Variants in ABCA13 observed in about 807,000 individuals in gnomAD.
The protein encoded by ABCA13 is ATP-binding cassette sub-family A member 13.
A neutral mutation model predicts 478.7 loss-of-function variants in ABCA13; 476 were observed. The ratio of observed to expected loss-of-function variants is 0.99; its 90% confidence interval spans 0.92 to 1.07. The LOEUF (loss-of-function observed/expected upper bound fraction) is 1.07, where lower values mean the gene tolerates loss of function less well. Ranked by LOEUF, ABCA13 falls within the 50% of genes least tolerant of loss-of-function variation. The probability of loss-of-function intolerance (pLI) is 0.00; values close to 1 mark genes in which losing one functional copy is unlikely to be tolerated. For missense variants in ABCA13, 6,060 were observed against 5,910.6 expected, an observed-to-expected ratio of 1.03 and a Z score of -0.83; for synonymous variants, 2,252 against 2,158.9, an observed-to-expected ratio of 1.04 and a Z score of -1.20.
intron 1 of ABCA13, among the ~76,000 whole-genome samples, chr7:48,189,114 A>G (rs1395578763): frequency 6.6e-6 from 1 of 152,206 alleles, no homozygotes; most frequent in Non-Finnish European, 1.5e-5. Context: ...CAGAAGTGCC[A>G]GTTTCTGCTT....
intron 45 of ABCA13, among the ~76,000 whole-genome samples, chr7:48,478,234 A>AT (rs1828358643): frequency 1.4e-5 from 2 of 147,944 alleles, no homozygotes; most frequent in African/African-American, 4.9e-5. Context: ...TTATATATAC[A>AT]TATATAATAT....
chr7:48,288,929 G>A (rs1023223302), intron 20 of ABCA13, among the ~76,000 whole-genome samples: 1 of 152,180 alleles, frequency 6.6e-6, no homozygotes, highest in Non-Finnish European at 1.5e-5. Flanking sequence ...GGACAATGGT[G>A]ATGTCCTTCC....
At chr7:48,226,005 A>G (rs1230492922) in intron 5 of ABCA13, among the ~76,000 whole-genome samples, 1 of 152,166 alleles carries the variant, frequency 6.6e-6, no homozygotes, top group Non-Finnish European at 1.5e-5. Context: ...GGCAATGGGG[A>G]CAAGAAAGAG....
At position 48,310,000 on chromosome 7, in the gene ABCA13, C is replaced by T. The variant is rs759576914; in HGVS notation, c.9375C>T (p.Ile3125=). 8 of 1,613,976 alleles carry T rather than the reference C, an allele frequency of 5.0e-6. No homozygotes were observed. The Admixed American group carries it at 1.3e-4, about 27-fold the overall frequency. The change falls in exon 24 of 62, where the codon ATC becomes ATT. Residue 3125 remains isoleucine (I), a synonymous_variant. Transcript: ENST00000435803. ...TGTCTGGAAAGTGTGATCAGGAAAT[C>T]CTTCATCTCCTGCTGACATTTCCCA... ...VALSGKCDQE[I]LHLLLTFPKG...
At chr7:48,523,524 G>T (rs1295173988) in intron 53 of ABCA13, among the ~76,000 whole-genome samples, 1 of 151,592 alleles carries the variant, frequency 6.6e-6, no homozygotes, top group East Asian at 1.9e-4. Flanking sequence ...ATTGATGTTG[G>T]TTATGATACT....
chr7:48,583,873 C>A (rs1020893506), intron 56 of ABCA13, among the ~76,000 whole-genome samples: 5 of 152,190 alleles, frequency 3.3e-5, no homozygotes, highest in Admixed American at 6.5e-5. Flanking sequence ...GACAACATGA[C>A]ATTCAGAAAA....
chr7:48,271,808 C>T lies in ABCA13; in HGVS notation c.2142C>T (p.His714=), dbSNP rs752174944. The change falls in exon 17 of 62, where the codon CAC becomes CAT. Residue 714 remains histidine, a synonymous_variant. Transcript: ENST00000435803. ...SISRALNFTK[H]LLMMEKKLHT... ...ACAGGGCTTTAAATTTCACAAAGCACCTTCTAATGATGGAAAAGAAGTTGC... is the reference window on the plus strand; with the variant it reads ...ACAGGGCTTTAAATTTCACAAAGCATCTTCTAATGATGGAAAAGAAGTTGC... 1.0e-5 allele frequency: 16 copies of T among 1,528,510 alleles called. No homozygotes were observed. In the South Asian group the frequency reaches 1.6e-4, roughly 15 times the overall value. 94.7% of individuals were successfully genotyped at this position (1,528,510 alleles called of 1,614,324 possible). A position where few individuals can be genotyped will look rare whatever the true frequency, so the allele number is the denominator to read the frequency against.
At chr7:48,198,408 C>A in intron 3 of ABCA13, 48 bp downstream of exon 3, 2 of 1,605,088 alleles carry the variant, frequency 1.2e-6, no homozygotes, top group Non-Finnish European at 1.7e-6. Context: ...AAAGCTGATA[C>A]ATAGAACAGG....
intron 58 of ABCA13, among the ~76,000 whole-genome samples, chr7:48,613,420 C>G (rs1301678756): frequency 6.6e-6 from 1 of 152,088 alleles, no homozygotes; most frequent in Non-Finnish European, 1.5e-5. Flanking sequence ...GAACTCCTGA[C>G]CTCAGGTGAT....
chr7:48,585,742 A>G (rs1292492617), intron 56 of ABCA13, among the ~76,000 whole-genome samples: 1 of 152,176 alleles, frequency 6.6e-6, no homozygotes, highest in Non-Finnish European at 1.5e-5. Context: ...CTCTTCTCCT[A>G]AATTTGAATT....
chr7:48,263,214 A>C (rs915734161), intron 15 of ABCA13, among the ~76,000 whole-genome samples: 7 of 152,044 alleles, frequency 4.6e-5, no homozygotes, highest in Admixed American at 3.3e-4. Flanking sequence ...ACTTGTAAGC[A>C]CAGGAAAGTT....
chr7:48,440,206 G>GT (rs1165005343), intron 42 of ABCA13, among the ~76,000 whole-genome samples: 2 of 151,958 alleles, frequency 1.3e-5, no homozygotes, highest in Non-Finnish European at 2.9e-5. Context: ...ACATACCTGC[G>GT]TAACCACCAC....
At chr7:48,487,903 T>C (rs967568756) in intron 47 of ABCA13, among the ~76,000 whole-genome samples, 2 of 152,236 alleles carry the variant, frequency 1.3e-5, no homozygotes, top group African/African-American at 4.8e-5. Context: ...TTCAGTTCAC[T>C]TTTGACTTTT....
chr7:48,599,365 G>C (rs1053290553), intron 58 of ABCA13, among the ~76,000 whole-genome samples: 18 of 150,178 alleles, frequency 1.2e-4, no homozygotes, highest in Non-Finnish European at 2.4e-4. Flanking sequence ...TACCAGAGGG[G>C]TTACAGTTTT....
chr7:48,221,372 A>G, intron 5 of ABCA13, 63 bp downstream of exon 5: 1 of 794,686 alleles, frequency 1.3e-6, no homozygotes, highest in South Asian at 1.8e-5. Flanking sequence ...AGTTTACAAC[A>G]CTGTTTTTAA....
At position 48,309,931 on chromosome 7, in the gene ABCA13, C is replaced by T; in HGVS notation, c.9322-16C>T. On this transcript the variant is annotated splice_polypyrimidine_tract_variant and intron_variant, in intron 23 of 61. Transcript: ENST00000435803. ...TCATAGGTATACTCACCTCTAATCTCTGTGCTTTGAAACAGGTTCTCTTCA... is the reference window on the plus strand; with the variant it reads ...TCATAGGTATACTCACCTCTAATCTTTGTGCTTTGAAACAGGTTCTCTTCA... The T allele has an allele frequency of 1.9e-6, 3 of 1,613,748 alleles. No homozygotes were observed. Among genetic ancestry groups the T allele is most frequent in the Non-Finnish European group, 2.5e-6 (3 of 1,179,688 alleles).
chr7:48,280,270 A>G (rs1796860178), intron 18 of ABCA13, among the ~76,000 whole-genome samples: 1 of 152,232 alleles, frequency 6.6e-6, no homozygotes, highest in South Asian at 2.1e-4. Flanking sequence ...CCTATGACTC[A>G]GTATACACAC....
chr7:48,567,003 G>C (rs1045812905), intron 55 of ABCA13, among the ~76,000 whole-genome samples: 2 of 152,134 alleles, frequency 1.3e-5, no homozygotes, highest in Non-Finnish European at 2.9e-5. Context: ...TAGATATGCT[G>C]TGTGCAAAAG....
intron 10 of ABCA13, among the ~76,000 whole-genome samples, chr7:48,243,635 C>T (rs1791215277): frequency 1.3e-5 from 2 of 152,184 alleles, no homozygotes; most frequent in South Asian, 4.1e-4. Context: ...TGCTTGGGTC[C>T]ATCAGCTCTC....
Sources: gnomAD v4.1 joint callset for allele counts (sites outside exome capture counted in the v4.1 genomes callset) on GRCh38, gnomAD v4.1.1 for gene constraint, MANE v1.5 for transcripts, NCBI Gene and HGNC (gene_info 2026-07-23, HGNC 2026-07-21) for gene names.